Variants in UGGT1 observed in about 807,000 individuals in gnomAD.
UGGT1 encodes UDP-glucose:glycoprotein glucosyltransferase 1.
In UGGT1, 107 loss-of-function variants were observed where a neutral mutation model predicts 203.9. That is an observed-to-expected ratio of 0.52 (90% CI 0.45 to 0.62). The LOEUF (loss-of-function observed/expected upper bound fraction) is 0.62, where lower values mean the gene tolerates loss of function less well. Among genes scored for constraint, UGGT1 ranks in the 20% least tolerant of loss-of-function variants. The pLI is 0.00. For synonymous variants in UGGT1, 628 were observed against 653.5 expected (o/e 0.96, Z 0.59); for missense variants, 1,673 against 1,867.2 (o/e 0.90, Z 1.92).
chr2:128,144,438 A>G (rs1373595680), intron 17 of UGGT1, among the ~76,000 whole-genome samples: 1 of 152,222 alleles, frequency 6.6e-6, no homozygotes, highest in Non-Finnish European at 1.5e-5. Flanking sequence ...CTGTTTGCAG[A>G]CAAAACCAAT....
chr2:128,106,051 CGCCTT>C (rs1227484094), intron 3 of UGGT1, among the ~76,000 whole-genome samples: 3 of 151,882 alleles, frequency 2.0e-5, no homozygotes, highest in Middle Eastern at 6.9e-3. Flanking sequence ...CCCTGCCTCT[CGCCTT>C]GGCCTCCTAA....
At chr2:128,148,863 C>T (rs1013059558) in intron 18 of UGGT1, among the ~76,000 whole-genome samples, 3 of 152,072 alleles carry the variant, frequency 2.0e-5, no homozygotes, top group Non-Finnish European at 4.4e-5. Context: ...TGACAGATAC[C>T]CCCAGGGAAA....
intron 26 of UGGT1, among the ~76,000 whole-genome samples, chr2:128,166,819 G>C (rs144041694): frequency 9.7e-4 from 147 of 152,298 alleles, no homozygotes; most frequent in Middle Eastern, 3.4e-3. Flanking sequence ...CCCCAGGGAG[G>C]CTTTAAATAT....
chr2:128,189,709 T>G lies in UGGT1; in HGVS notation c.4643-8T>G, dbSNP rs756426879. On this transcript the variant is annotated splice_region_variant and splice_polypyrimidine_tract_variant and intron_variant, in intron 40 of 40. Transcript: ENST00000259253. ...TGTTTTCTTTTCTGTGGTTCTCCTT[T>G]TCCTTAGGTCCTCAGAAACGTGAAG... 9.0e-4 allele frequency: 1,455 copies of G among 1,611,620 alleles called. 10 individuals carry two copies. In the African/African-American group the frequency reaches 0.014, roughly 16 times the overall value.
At chr2:128,186,850 T>C (rs744265) in intron 39 of UGGT1, 51 bp downstream of exon 39, 731,355 of 1,248,680 alleles carry the variant, frequency 0.59, 217,164 homozygotes, top group South Asian at 0.64. Flanking sequence ...GATGTGTGAG[T>C]GAATCACGAT....
At chr2:128,103,861 A>T in intron 2 of UGGT1, 71 bp from the exon 3 acceptor site, 1 of 1,107,320 alleles carries the variant, frequency 9.0e-7, no homozygotes, top group Non-Finnish European at 1.3e-6. Flanking sequence ...ACTTATTTTT[A>T]CTCTCTTTAG....
rs139568007 is a variant in UGGT1, at chr2:128,128,013, G to T, written c.1226+561G>T. Among the ~76,000 whole-genome samples the T allele has an allele frequency of 5.1e-3, 775 of 152,160 alleles. 9 individuals are homozygous for T. Among genetic ancestry groups the T allele is most frequent in the African/African-American group, 0.016 (684 of 41,512 alleles). ...CACTTGAACCTGGGAGGCGGAGGTT[G>T]CAGTGAGCTGAGATTGCACCCCTGC... On this transcript the variant is annotated intron_variant, in intron 12 of 40. Coordinates refer to ENST00000259253, the MANE Select transcript of UGGT1 (RefSeq NM_020120.4).
At chr2:128,137,029 AT>A (rs1366668428) in intron 15 of UGGT1, among the ~76,000 whole-genome samples, 1 of 151,954 alleles carries the variant, frequency 6.6e-6, no homozygotes, top group Non-Finnish European at 1.5e-5. Context: ...GTCTGTTCAG[AT>A]TTTTTGTCCT....
At position 128,131,802 on chromosome 2, in the gene UGGT1, A is replaced by G. The variant is rs187919259; in HGVS notation, c.1378-1339A>G. ...ACCACCATGCCCAGCTAATTTTTGT[A>G]TTTTTAATAGAGATGGGGCTTTCAC... On this transcript the variant is annotated intron_variant, in intron 13 of 40. Transcript: ENST00000259253. Among the ~76,000 whole-genome samples the G allele has an allele frequency of 1.7e-3, 264 of 152,048 alleles. 2 individuals carry two copies. The highest frequency in any genetic ancestry group is 0.011 in the South Asian group (53 of 4,812).
chr2:128,109,565 G>T, intron 4 of UGGT1, 69 bp from the exon 5 acceptor site: 1 of 1,250,244 alleles, frequency 8.0e-7, no homozygotes, highest in South Asian at 1.2e-5. Flanking sequence ...CACCTATTTT[G>T]ATTATACATG....
chr2:128,158,976 G>T (rs926901883), intron 22 of UGGT1, among the ~76,000 whole-genome samples: 1 of 152,134 alleles, frequency 6.6e-6, no homozygotes, highest in South Asian at 2.1e-4. Context: ...TATATTTACC[G>T]GGAAGGTAAG....
rs772742697 is a variant in UGGT1, at chr2:128,129,020, TC to T, written c.1227-3del. 2 of 1,548,054 alleles carry T rather than the reference TC, an allele frequency of 1.3e-6. No homozygotes were observed. Among genetic ancestry groups the T allele is most frequent in the Admixed American group, 2.3e-5 (1 of 43,988 alleles). ...CCTAGTAAATATCTCTTTTTGTTTT[TC>T]CCCCCAGTCTGTTTGATGTGTTGAG... On this transcript the variant is annotated splice_region_variant and splice_polypyrimidine_tract_variant and intron_variant, in intron 12 of 40. Coordinates refer to ENST00000259253, the MANE Select transcript of UGGT1 (RefSeq NM_020120.4).
At chr2:128,119,833 A>G (rs2105386774) in intron 8 of UGGT1, among the ~76,000 whole-genome samples, 1 of 151,018 alleles carries the variant, frequency 6.6e-6, no homozygotes, top group Non-Finnish European at 1.5e-5. Context: ...TTTTCCCAGT[A>G]TAAGCCTTTT....
chr2:128,127,202 C>T (rs1688646371), intron 11 of UGGT1, among the ~76,000 whole-genome samples, 159 bp from the exon 12 acceptor site: 1 of 151,968 alleles, frequency 6.6e-6, no homozygotes, highest in South Asian at 2.1e-4. Context: ...TGGTATTATC[C>T]CCTGTCTTAC....
At chr2:128,116,457 C>A in intron 8 of UGGT1, 114 bp downstream of exon 8, 1 of 681,980 alleles carries the variant, frequency 1.5e-6, no homozygotes. Flanking sequence ...CATCTCCTAA[C>A]AGTACTTTAT....
At chr2:128,173,614 C>T (rs1691227170) in intron 29 of UGGT1, among the ~76,000 whole-genome samples, 167 bp from the exon 30 acceptor site, 1 of 152,194 alleles carries the variant, frequency 6.6e-6, no homozygotes, top group Non-Finnish European at 1.5e-5. Context: ...CAGGCAACAA[C>T]TGATCTGCTT....
chr2:128,151,529 A>G (rs1689973630), intron 18 of UGGT1, among the ~76,000 whole-genome samples: 1 of 152,194 alleles, frequency 6.6e-6, no homozygotes, highest in African/African-American at 2.4e-5. Context: ...ATTGGTTCAT[A>G]TGCTCCTTAT....
chr2:128,161,288 G>A lies in UGGT1; in HGVS notation c.2825+20G>A, dbSNP rs1558807286. 6.2e-7 allele frequency: 1 copy of A among 1,611,142 alleles called. No homozygotes were observed. Among genetic ancestry groups the A allele is most frequent in the East Asian group, 2.2e-5 (1 of 44,784 alleles). On this transcript the variant is annotated intron_variant, in intron 25 of 40. Transcript: ENST00000259253. ...AGATGTGTAAGTTTTGCCATAGGAGGAATTACAGGGGTTATATAATTGGAC... is the reference window on the plus strand; with the variant it reads ...AGATGTGTAAGTTTTGCCATAGGAGAAATTACAGGGGTTATATAATTGGAC...
chr2:128,165,774 A>ATT (rs1340680152), intron 26 of UGGT1, among the ~76,000 whole-genome samples: 103 of 151,988 alleles, frequency 6.8e-4, no homozygotes, highest in African/African-American at 2.5e-3. Context: ...CTTTTTTTAA[A>ATT]AAAAAAAAAC....
Sources: allele counts gnomAD v4.1 joint callset (sites outside exome capture counted in the v4.1 genomes callset), GRCh38; gene constraint gnomAD v4.1.1; transcripts MANE v1.5; gene names NCBI Gene and HGNC (gene_info 2026-07-23, HGNC 2026-07-21).